The following PHACTR1 variants were observed in gnomAD, a reference collection of about 807,000 sequenced individuals.
PHACTR1 encodes the protein RPEL repeat containing 1.
PHACTR1 carries 16 observed loss-of-function variants against 69.2 expected under a neutral mutation model. The observed-to-expected ratio is 0.23, with a 90% CI of 0.16 to 0.35. The LOEUF (loss-of-function observed/expected upper bound fraction) is 0.35. Among genes scored for constraint, PHACTR1 ranks in the 10% least tolerant of loss-of-function variants. The probability of loss-of-function intolerance (pLI) is 1.00; values close to 1 mark genes in which losing one functional copy is unlikely to be tolerated. For missense variants in PHACTR1, 510 were observed against 734.7 expected (o/e 0.69, Z 3.54); for synonymous variants, 312 against 284.5 (o/e 1.10, Z -0.97).
At chr6:13,014,666 G>GA (rs1799904328) in intron 4 of PHACTR1, among the ~76,000 whole-genome samples, 1 of 152,060 alleles carries the variant, frequency 6.6e-6, no homozygotes, top group African/African-American at 2.4e-5. Context: ...ACATGGCTGT[G>GA]ATTTTTGGAG....
At chr6:13,204,478 A>C (rs1765633553) in intron 7 of PHACTR1, among the ~76,000 whole-genome samples, 2 of 152,160 alleles carry the variant, frequency 1.3e-5, no homozygotes, top group South Asian at 4.1e-4. Context: ...CACAGGGTTC[A>C]ACCAGGTTCC....
chr6:13,027,822 T>A (rs945077234), intron 4 of PHACTR1, among the ~76,000 whole-genome samples: 4 of 152,126 alleles, frequency 2.6e-5, no homozygotes, highest in African/African-American at 9.7e-5. Context: ...ATTACAGGCA[T>A]GCGCCACCAC....
intron 4 of PHACTR1, among the ~76,000 whole-genome samples, chr6:12,867,441 C>T (rs1012284378): frequency 2.6e-5 from 4 of 152,196 alleles, no homozygotes; most frequent in Non-Finnish European, 5.9e-5. Flanking sequence ...TCTTAATATG[C>T]ACCAATTCCT....
intron 8 of PHACTR1, among the ~76,000 whole-genome samples, chr6:13,209,902 C>G (rs1171273322): frequency 6.6e-6 from 1 of 152,212 alleles, no homozygotes; most frequent in Non-Finnish European, 1.5e-5. Context: ...AAGATAGCTA[C>G]CATTCCCTTC....
chr6:13,150,740 C>T lies in PHACTR1; in HGVS notation c.416-9464C>T, dbSNP rs547337360. The stretch of plus-strand genomic sequence containing the variant: ...CACCTGGTCTTTTGAAATGGAAGAC[C>T]ACTAGGTTTTTCTCATTGCTCCCCT... On this transcript the variant is annotated intron_variant, in intron 5 of 14. Coordinates refer to ENST00000332995, the MANE Select transcript of PHACTR1 (RefSeq NM_030948.6). Among the ~76,000 whole-genome samples the T allele has an allele frequency of 5.3e-5, 8 of 152,184 alleles. No individual in the cohort carries two copies. In the South Asian group the frequency reaches 1.7e-3, roughly 32 times the overall value.
chr6:13,136,350 T>G (rs1821544955), intron 5 of PHACTR1, among the ~76,000 whole-genome samples: 1 of 152,244 alleles, frequency 6.6e-6, no homozygotes, highest in Non-Finnish European at 1.5e-5. Context: ...AATCAAACTC[T>G]GCTGGTTTTA....
At chr6:13,205,126 C>T (rs1176147490) in intron 7 of PHACTR1, among the ~76,000 whole-genome samples, 1 of 152,190 alleles carries the variant, frequency 6.6e-6, no homozygotes, top group Non-Finnish European at 1.5e-5. Flanking sequence ...CCTCTGGCTG[C>T]TTCCACCTAT....
At chr6:13,090,895 A>AT (rs1257656107) in intron 5 of PHACTR1, among the ~76,000 whole-genome samples, 2 of 152,204 alleles carry the variant, frequency 1.3e-5, no homozygotes, top group Admixed American at 1.3e-4. Flanking sequence ...CATTACATTT[A>AT]TTGTACACTT....
chr6:13,119,546 TG>T (rs1818382028), intron 5 of PHACTR1, among the ~76,000 whole-genome samples: 1 of 152,100 alleles, frequency 6.6e-6, no homozygotes, highest in Non-Finnish European at 1.5e-5. Flanking sequence ...CCAGAATAGA[TG>T]CTGGGGGAAG....
chr6:12,924,198 A>G (rs1788011034), intron 4 of PHACTR1, among the ~76,000 whole-genome samples: 1 of 152,214 alleles, frequency 6.6e-6, no homozygotes. Flanking sequence ...TAGATAATAC[A>G]TGTGTATGTA....
intron 4 of PHACTR1, among the ~76,000 whole-genome samples, chr6:12,877,198 A>G (rs1782611854): frequency 6.6e-6 from 1 of 152,170 alleles, no homozygotes; most frequent in Non-Finnish European, 1.5e-5. Context: ...AACCCTCATG[A>G]TAAGGTTCAC....
At chr6:13,213,686 C>G (rs1767226615) in intron 8 of PHACTR1, among the ~76,000 whole-genome samples, 1 of 152,230 alleles carries the variant, frequency 6.6e-6, no homozygotes, top group African/African-American at 2.4e-5. Flanking sequence ...GTGAACTGGA[C>G]TTCACACAGC....
chr6:13,128,690 G>A (rs1819936422), intron 5 of PHACTR1, among the ~76,000 whole-genome samples: 2 of 152,008 alleles, frequency 1.3e-5, no homozygotes, highest in Admixed American at 6.6e-5. Flanking sequence ...GGCATTCCCT[G>A]AGGAAGAAGA....
intron 4 of PHACTR1, among the ~76,000 whole-genome samples, chr6:13,038,091 A>G (rs1803589315): frequency 6.6e-6 from 1 of 152,152 alleles, no homozygotes; most frequent in Non-Finnish European, 1.5e-5. Context: ...TCATGATGAG[A>G]CTAGTAGTAA....
chr6:13,031,672 T>C (rs138078191), intron 4 of PHACTR1, among the ~76,000 whole-genome samples: 1 of 152,352 alleles, frequency 6.6e-6, no homozygotes, highest in African/African-American at 2.4e-5. Context: ...CCAGGTAAAT[T>C]CTGGCACATT....
chr6:13,013,790 C>G (rs566663078), intron 4 of PHACTR1, among the ~76,000 whole-genome samples: 24 of 149,662 alleles, frequency 1.6e-4, no homozygotes, highest in Admixed American at 8.0e-4. Flanking sequence ...GAGCGGCCGG[C>G]GCGGGCGGGG....
rs140539675 is a variant in PHACTR1, at chr6:13,056,388, A to G, written c.415+2859A>G. Among the ~76,000 whole-genome samples, 312 of 152,336 alleles carry G rather than the reference A, an allele frequency of 2.0e-3. 2 individuals are homozygous for G. Among genetic ancestry groups the G allele is most frequent in the African/African-American group, 7.4e-3 (307 of 41,580 alleles). On this transcript the variant is annotated intron_variant, in intron 5 of 14. Coordinates refer to ENST00000332995, the MANE Select transcript of PHACTR1 (RefSeq NM_030948.6). ...GTACTCCAGCTTGGGTGACCAGCTG[A>G]GACCCAATCTCACACATATGCAAAG...
chr6:13,140,005 T>C (rs967961231), intron 5 of PHACTR1, among the ~76,000 whole-genome samples: 2 of 152,204 alleles, frequency 1.3e-5, no homozygotes, highest in African/African-American at 4.8e-5. Context: ...AGGGCAACTT[T>C]TAAAAGTATT....
At chr6:13,231,218 A>G in intron 10 of PHACTR1, among the ~76,000 whole-genome samples, 3 of 134,330 alleles carry the variant, frequency 2.2e-5, no homozygotes, top group South Asian at 2.5e-4. Context: ...AGGAAGGGAA[A>G]AGAAAGAAGG....
Sources: allele counts gnomAD v4.1 joint callset (sites outside exome capture counted in the v4.1 genomes callset), GRCh38; gene constraint gnomAD v4.1.1; transcripts MANE v1.5; gene names NCBI Gene and HGNC (gene_info 2026-07-23, HGNC 2026-07-21).